NSMAF: variants seen among roughly 807,000 people sequenced by gnomAD.
NSMAF encodes the protein protein FAN.
In NSMAF, 90 loss-of-function variants were observed where a neutral mutation model predicts 134.9. The ratio of observed to expected loss-of-function variants is 0.67; its 90% CI spans 0.56 to 0.79. The LOEUF (loss-of-function observed/expected upper bound fraction) is 0.79. NSMAF is among the 30% of genes least tolerant of loss of function. The probability of loss-of-function intolerance (pLI) is 0.00; values close to 1 mark genes in which losing one functional copy is unlikely to be tolerated. For missense variants in NSMAF, 1,010 were observed against 1,119.0 expected (o/e 0.90, Z 1.39); for synonymous variants, 358 against 389.6 (o/e 0.92, Z 0.96).
chr8:58,603,381 G>T lies in NSMAF; in HGVS notation c.874C>A (p.His292Asn), dbSNP rs751179491. The T allele has an allele frequency of 6.2e-7, 1 of 1,613,532 alleles. No homozygotes were observed. Among genetic ancestry groups the T allele is most frequent in the South Asian group, 1.1e-5 (1 of 91,046 alleles). ...CTCTCAGCAGTGTGCTCCGCCACAT[G>T]GTGCTCTGGGGGAAGAGGACCCACG... ...YFYIATYLEH[H>N]VAEHTAESYM... The change falls in exon 13 of 31, where the codon CAT (histidine) becomes AAT (asparagine). Residue 292 changes from histidine to asparagine, a missense_variant. Coordinates refer to ENST00000038176, the MANE Select transcript of NSMAF (RefSeq NM_003580.4).
intron 1 of NSMAF, among the ~76,000 whole-genome samples, chr8:58,657,247 A>G (rs1807738468): frequency 6.6e-6 from 1 of 152,220 alleles, no homozygotes; most frequent in Admixed American, 6.5e-5. Context: ...CAATAAGAGA[A>G]ATAAATGCTC....
chr8:58,633,035 T>C (rs1585754593), intron 5 of NSMAF, among the ~76,000 whole-genome samples: 1 of 152,212 alleles, frequency 6.6e-6, no homozygotes, highest in African/African-American at 2.4e-5. Context: ...TAGGTCTCCT[T>C]GCTTCCACTC....
chr8:58,611,347 G>T (rs1001674104), intron 9 of NSMAF, among the ~76,000 whole-genome samples: 1 of 152,046 alleles, frequency 6.6e-6, no homozygotes, highest in Admixed American at 6.6e-5. Flanking sequence ...TTTGAGACCA[G>T]CTGGGTAACA....
At chr8:58,603,464 G>GACCATCCC in intron 12 of NSMAF, 78 bp from the exon 13 acceptor site, 1 of 1,338,630 alleles carries the variant, frequency 7.5e-7, no homozygotes, top group African/African-American at 1.5e-5. Flanking sequence ...TTAACGTGTA[G>GACCATCCC]ACCATCCCTG....
chr8:58,608,838 TC>T (rs1280596624), intron 10 of NSMAF, among the ~76,000 whole-genome samples: 1 of 152,150 alleles, frequency 6.6e-6, no homozygotes, highest in Non-Finnish European at 1.5e-5. Context: ...CTGGAGAATT[TC>T]CAAGGTGGAA....
intron 1 of NSMAF, among the ~76,000 whole-genome samples, chr8:58,649,858 G>C (rs1807544150): frequency 6.6e-6 from 1 of 152,178 alleles, no homozygotes; most frequent in Non-Finnish European, 1.5e-5. Flanking sequence ...AGAACTGTGA[G>C]CCCATTAAAC....
At chr8:58,648,879 C>A (rs192638927) in intron 1 of NSMAF, among the ~76,000 whole-genome samples, 1 of 152,362 alleles carries the variant, frequency 6.6e-6, no homozygotes, top group Admixed American at 6.5e-5. Context: ...AAGGATGGGG[C>A]CCATACAGAG....
intron 2 of NSMAF, among the ~76,000 whole-genome samples, chr8:58,635,904 G>A (rs1299629136): frequency 6.6e-6 from 1 of 152,142 alleles, no homozygotes; most frequent in Non-Finnish European, 1.5e-5. Flanking sequence ...CCACCCCAGA[G>A]TAACACTGCC....
intron 1 of NSMAF, among the ~76,000 whole-genome samples, chr8:58,646,551 G>A (rs1224239435): frequency 6.6e-6 from 1 of 152,084 alleles, no homozygotes; most frequent in Non-Finnish European, 1.5e-5. Flanking sequence ...ACAGTGAAGG[G>A]ATATAACCAA....
At chr8:58,634,278 T>G (rs1484406746) in intron 5 of NSMAF, among the ~76,000 whole-genome samples, 1 of 152,224 alleles carries the variant, frequency 6.6e-6, no homozygotes, top group Non-Finnish European at 1.5e-5. Context: ...ATCTGCTACC[T>G]CTCAGCTTTC....
intron 2 of NSMAF, chr8:58,637,176 T>A (rs1807195765): frequency 3.2e-6 from 1 of 312,794 alleles, no homozygotes; most frequent in Non-Finnish European, 6.5e-6. Context: ...GTCAGCATCG[T>A]CTACTTGCCC....
At chr8:58,646,527 G>T (rs986557569) in intron 1 of NSMAF, among the ~76,000 whole-genome samples, 1 of 152,152 alleles carries the variant, frequency 6.6e-6, no homozygotes, top group African/African-American at 2.4e-5. Context: ...TATTTTGCAA[G>T]AAATGTAAAA....
At chr8:58,643,624 C>T (rs1001907611) in intron 1 of NSMAF, among the ~76,000 whole-genome samples, 3 of 152,036 alleles carry the variant, frequency 2.0e-5, no homozygotes, top group Non-Finnish European at 4.4e-5. Context: ...CTCCACCTCC[C>T]GGGTTCAAGT....
At chr8:58,599,689 C>T in intron 18 of NSMAF, 61 bp downstream of exon 18, 2 of 1,548,894 alleles carry the variant, frequency 1.3e-6, no homozygotes, top group Non-Finnish European at 1.7e-6. Flanking sequence ...AAAATAATTA[C>T]TGAAATTGCA....
intron 2 of NSMAF, among the ~76,000 whole-genome samples, chr8:58,639,435 A>C (rs1807279753): frequency 1.3e-5 from 2 of 152,224 alleles, no homozygotes; most frequent in African/African-American, 4.8e-5. Context: ...GATGGCTATT[A>C]TCAAAAAACA....
rs199692061 is a variant in NSMAF at position 58,653,571 on chromosome 8, GAAGTA to G, written c.59+5997_59+6001del. ...AGACAAAATAGAAAAAAAATTACTA[GAAGTA>G]AAGAGGTCATTATATATTGATAAAA... On this transcript the variant is annotated intron_variant, in intron 1 of 30. Coordinates refer to ENST00000038176, the MANE Select transcript of NSMAF (RefSeq NM_003580.4). 8.9e-3 allele frequency among the ~76,000 whole-genome samples: 1,357 copies of G among 151,726 alleles called. 22 individuals carry two copies. Among genetic ancestry groups the G allele is most frequent in the African/African-American group, 0.031 (1,266 of 41,392 alleles).
In NSMAF at chr8:58,635,460, G is replaced by A. The variant is rs2129146289; in HGVS notation, c.228+8C>T. 1 of 1,592,610 alleles carries A rather than the reference G, an allele frequency of 6.3e-7. No individual in the cohort carries two copies. The highest frequency in any genetic ancestry group is 2.2e-5 in the East Asian group (1 of 44,648). On this transcript the variant is annotated splice_region_variant and intron_variant, in intron 3 of 30. Coordinates refer to ENST00000038176, the MANE Select transcript of NSMAF (RefSeq NM_003580.4). ...GAATGTTTCTGTTCATATTTAAAAT[G>A]TATTTACCTTGATGATGGGCTGGGA...
chr8:58,651,757 C>A (rs77029767), intron 1 of NSMAF, among the ~76,000 whole-genome samples: 2,894 of 152,300 alleles, frequency 0.019, 118 homozygotes, highest in African/African-American at 0.066. Flanking sequence ...TGTTATCTAG[C>A]GCAGCGCTTC....
At chr8:58,587,271 G>T (rs1024963244) in intron 27 of NSMAF, among the ~76,000 whole-genome samples, 1 of 152,162 alleles carries the variant, frequency 6.6e-6, no homozygotes, top group Non-Finnish European at 1.5e-5. Context: ...CCAGCTTCTG[G>T]ATCAGAAAAC....
Sources: allele counts gnomAD v4.1 joint callset (sites outside exome capture counted in the v4.1 genomes callset), GRCh38; gene constraint gnomAD v4.1.1; transcripts MANE v1.5; gene names NCBI Gene and HGNC (gene_info 2026-07-23, HGNC 2026-07-21).